The following ICOS variants were observed in gnomAD, a reference collection of about 807,000 sequenced individuals.
ICOS encodes inducible T-cell costimulator.
ICOS carries 15 observed loss-of-function variants against 24.6 expected under a neutral mutation model. The observed-to-expected ratio is 0.61, with a 90% CI of 0.41 to 0.94. The LOEUF (loss-of-function observed/expected upper bound fraction) is 0.94, where lower values mean the gene tolerates loss of function less well. Ranked by LOEUF, ICOS falls within the 40% of genes least tolerant of loss-of-function variation. ICOS has a pLI of 0.00. For synonymous variants in ICOS, 89 were observed against 77.5 expected (o/e 1.15, Z -0.78); for missense variants, 200 against 233.0 (o/e 0.86, Z 0.92).
At chr2:203,954,936 G>A (rs921719990) in intron 1 of ICOS, among the ~76,000 whole-genome samples, 7 of 149,956 alleles carry the variant, frequency 4.7e-5, no homozygotes, top group South Asian at 2.1e-4. Flanking sequence ...AAACTACTTC[G>A]TACTTTTACA....
intron 1 of ICOS, among the ~76,000 whole-genome samples, chr2:203,949,207 G>C (rs990519436): frequency 6.6e-6 from 1 of 152,202 alleles, no homozygotes; most frequent in African/African-American, 2.4e-5. Context: ...GATTCTGTTG[G>C]ACATAAAACA....
intron 1 of ICOS, among the ~76,000 whole-genome samples, chr2:203,944,544 C>G (rs940771508): frequency 1.5e-4 from 23 of 152,170 alleles, no homozygotes; most frequent in African/African-American, 5.1e-4. Flanking sequence ...TTTTCCCACT[C>G]CTCTTCTTGG....
At chr2:203,937,948 T>C (rs1346825877) in intron 1 of ICOS, among the ~76,000 whole-genome samples, 3 of 152,214 alleles carry the variant, frequency 2.0e-5, no homozygotes, top group African/African-American at 7.2e-5. Flanking sequence ...GCGGCATGAA[T>C]GACATGAGCA....
rs545808395 is a variant in ICOS, at chr2:203,960,522, C to T, written c.*923C>T. The T allele has an allele frequency of 6.6e-6, 1 of 152,180 alleles. No homozygotes were observed. Among genetic ancestry groups the T allele is most frequent in the Non-Finnish European group, 1.5e-5 (1 of 68,040 alleles). 9.4% of individuals were successfully genotyped at this position (152,180 alleles called of 1,614,324 possible). On this transcript the variant is annotated 3_prime_UTR_variant, in exon 5 of 5. Coordinates refer to ENST00000316386, the MANE Select transcript of ICOS (RefSeq NM_012092.4). ...TTTATTTTATTATCCTATTTTCTACCATTATCTATGTTTTCATGGTGCTAT... is the reference window on the plus strand; with the variant it reads ...TTTATTTTATTATCCTATTTTCTACTATTATCTATGTTTTCATGGTGCTAT...
In ICOS at chr2:203,960,639, A is replaced by G. The variant is rs1203608974; in HGVS notation, c.*1040A>G. ...CAGCATTCTCATGGGGTAGAGCAGA[A>G]TATTCATTTAGCCTGAAAGCTGCAG... On this transcript the variant is annotated 3_prime_UTR_variant, in exon 5 of 5. Coordinates refer to ENST00000316386, the MANE Select transcript of ICOS (RefSeq NM_012092.4). 1 of 152,236 alleles carries G rather than the reference A, an allele frequency of 6.6e-6. No individual in the cohort carries two copies. The highest frequency in any genetic ancestry group is 1.5e-5 in the Non-Finnish European group (1 of 68,054). The allele number at this position is 152,236 out of a possible 1,614,324, so 9.4% of individuals were successfully genotyped here.
intron 1 of ICOS, among the ~76,000 whole-genome samples, chr2:203,955,229 C>T (rs1030023389): frequency 6.6e-6 from 1 of 152,160 alleles, no homozygotes. Context: ...TTATAACCCA[C>T]CTGACTCTAC....
rs145698501 is a variant in ICOS, at chr2:203,959,596, A to G, written c.597A>G (p.Leu199=). ...AKKSRLTDVT[L] ...GAATTTTTGTTACAGATGTGACCCT[A>G]TAATATGGAACTCTGGCACCCAGGC... Residue 199 remains leucine (L), a synonymous_variant, in exon 5 of 5, where the codon CTA becomes CTG. Transcript: ENST00000316386. 348 of 1,613,160 alleles carry G rather than the reference A, an allele frequency of 2.2e-4. No homozygotes were observed. The highest frequency in any genetic ancestry group is 2.8e-4 in the Non-Finnish European group (330 of 1,179,336).
chr2:203,943,982 C>T (rs1689826714), intron 1 of ICOS, among the ~76,000 whole-genome samples: 1 of 152,182 alleles, frequency 6.6e-6, no homozygotes, highest in Non-Finnish European at 1.5e-5. Flanking sequence ...GCTGGTCTCA[C>T]TCTAATCATG....
chr2:203,942,881 G>T (rs565123672), intron 1 of ICOS, among the ~76,000 whole-genome samples: 2 of 152,124 alleles, frequency 1.3e-5, no homozygotes, highest in East Asian at 3.9e-4. Flanking sequence ...TGTTGGACTG[G>T]GTTAATTCGA....
chr2:203,938,474 C>T (rs1446214201), intron 1 of ICOS, among the ~76,000 whole-genome samples: 1 of 152,182 alleles, frequency 6.6e-6, no homozygotes, highest in Non-Finnish European at 1.5e-5. Context: ...AGATGACCAA[C>T]TGGTCCAAGT....
chr2:203,943,930 C>T (rs915998287), intron 1 of ICOS, among the ~76,000 whole-genome samples: 1 of 152,046 alleles, frequency 6.6e-6, no homozygotes, highest in Non-Finnish European at 1.5e-5. Flanking sequence ...GGGGGAAAAC[C>T]GGCAGTCACA....
intron 1 of ICOS, among the ~76,000 whole-genome samples, chr2:203,948,135 T>A (rs1397091061): frequency 6.6e-6 from 1 of 152,180 alleles, no homozygotes; most frequent in Non-Finnish European, 1.5e-5. Context: ...CAGTGGATAT[T>A]TGAAGGTAAA....
intron 1 of ICOS, among the ~76,000 whole-genome samples, chr2:203,941,402 G>T (rs958090997): frequency 6.6e-6 from 1 of 152,060 alleles, no homozygotes; most frequent in African/African-American, 2.4e-5. Context: ...TTTCTTGGTA[G>T]AAACAAAATG....
chr2:203,946,309 G>T (rs558000248), intron 1 of ICOS, among the ~76,000 whole-genome samples: 1 of 151,602 alleles, frequency 6.6e-6, no homozygotes, highest in Non-Finnish European at 1.5e-5. Context: ...GGGTTGTTTT[G>T]TACCCCCTAT....
At chr2:203,951,314 C>CT (rs769251453) in intron 1 of ICOS, among the ~76,000 whole-genome samples, 3 of 152,114 alleles carry the variant, frequency 2.0e-5, no homozygotes, top group Non-Finnish European at 4.4e-5. Flanking sequence ...AAGACTTACC[C>CT]AACAGCAAAG....
At chr2:203,939,195 C>T (rs897871988) in intron 1 of ICOS, among the ~76,000 whole-genome samples, 1 of 152,092 alleles carries the variant, frequency 6.6e-6, no homozygotes, top group Non-Finnish European at 1.5e-5. Flanking sequence ...AATGTGACTC[C>T]AACATCTACA....
intron 4 of ICOS, among the ~76,000 whole-genome samples, chr2:203,959,332 C>T (rs1690129391): frequency 6.6e-6 from 1 of 152,104 alleles, no homozygotes; most frequent in African/African-American, 2.4e-5. Context: ...CAGAGGTGGA[C>T]AGTTTCAAAG....
intron 1 of ICOS, among the ~76,000 whole-genome samples, chr2:203,949,024 T>G (rs1420807956): frequency 6.6e-6 from 1 of 152,218 alleles, no homozygotes; most frequent in East Asian, 1.9e-4. Context: ...ACCTGGAGGT[T>G]TTATAAGCAG....
Position 203,938,638 on chromosome 2 carries a change from A to G in ICOS, c.58+1766A>G, listed in dbSNP as rs138656875. On this transcript the variant is annotated intron_variant, in intron 1 of 4. Coordinates refer to ENST00000316386, the MANE Select transcript of ICOS (RefSeq NM_012092.4). ...AAAAATCATTCAACTAGGCCAAACC[A>G]ATTTGGGCAGTTCTGGTTGTGGTAT... is the stretch of plus-strand genomic sequence containing the variant. 6.3e-3 allele frequency among the ~76,000 whole-genome samples: 956 copies of G among 152,336 alleles called. 13 individuals carry two copies. The highest frequency in any genetic ancestry group is 0.024 in the Middle Eastern group (7 of 294).
Sources: gnomAD v4.1 joint callset for allele counts (sites outside exome capture counted in the v4.1 genomes callset) on GRCh38, gnomAD v4.1.1 for gene constraint, MANE v1.5 for transcripts, NCBI Gene and HGNC (gene_info 2026-07-23, HGNC 2026-07-21) for gene names.